The following SGCD variants were observed in gnomAD, a reference collection of about 807,000 sequenced individuals.
The protein encoded by SGCD is delta-sarcoglycan.
A neutral mutation model predicts 36.6 loss-of-function variants in SGCD; 18 were observed. The observed-to-expected ratio is 0.49, with a 90% confidence interval of 0.34 to 0.73. The LOEUF (loss-of-function observed/expected upper bound fraction) is 0.73. Ranked by LOEUF, SGCD falls within the 30% of genes least tolerant of loss-of-function variation. The pLI is 0.01. For synonymous variants in SGCD, 133 were observed against 130.6 expected (o/e 1.02, Z -0.12); for missense variants, 387 against 346.7 (o/e 1.12, Z -0.92).
intron 3 of SGCD, among the ~76,000 whole-genome samples, chr5:156,497,097 T>G (rs1756227569): frequency 6.6e-6 from 1 of 152,120 alleles, no homozygotes; most frequent in African/African-American, 2.4e-5. Flanking sequence ...ACACTTGCAG[T>G]CTGGTTCCAA....
At chr5:156,360,937 T>G (rs1380266414) in intron 3 of SGCD, among the ~76,000 whole-genome samples, 1 of 151,834 alleles carries the variant, frequency 6.6e-6, no homozygotes, top group Non-Finnish European at 1.5e-5. Context: ...ACCAGCCGTT[T>G]GCTCTCACTG....
At chr5:156,733,218 T>G (rs1756170637) in intron 7 of SGCD, among the ~76,000 whole-genome samples, 1 of 152,062 alleles carries the variant, frequency 6.6e-6, no homozygotes, top group Non-Finnish European at 1.5e-5. Context: ...CTCTTAACAC[T>G]TCCTTAGCTG....
the SGCD span, among the ~76,000 whole-genome samples, chr5:155,773,855 C>T: frequency 3.3e-5 from 5 of 152,000 alleles, no homozygotes; most frequent in South Asian, 2.1e-4. Context: ...ACAGGCCAGC[C>T]GAAGGTCATG....
intron 2 of SGCD, among the ~76,000 whole-genome samples, chr5:156,342,954 G>A (rs1768742200): frequency 6.6e-6 from 1 of 152,216 alleles, no homozygotes; most frequent in Non-Finnish European, 1.5e-5. Flanking sequence ...TGTTTGGAAT[G>A]AGACAGATGC....
the SGCD span, among the ~76,000 whole-genome samples, chr5:155,847,923 G>A: frequency 6.6e-6 from 1 of 152,194 alleles, no homozygotes; most frequent in Non-Finnish European, 1.5e-5. Context: ...CTTTTTAGTT[G>A]CTTGTTACTG....
At chr5:155,863,125 G>A in the SGCD span, among the ~76,000 whole-genome samples, 1 of 152,154 alleles carries the variant, frequency 6.6e-6, no homozygotes, top group Admixed American at 6.5e-5. Flanking sequence ...CAGGGCAGCT[G>A]AAGCCAGAAG....
intron 1 of SGCD, among the ~76,000 whole-genome samples, chr5:156,003,425 C>G (rs1209112260): frequency 6.6e-6 from 1 of 152,144 alleles, no homozygotes; most frequent in African/African-American, 2.4e-5. Context: ...CTTTAAAGGT[C>G]CTCAGCATCA....
chr5:156,688,254 C>G (rs1469095689), intron 7 of SGCD, among the ~76,000 whole-genome samples: 1 of 152,148 alleles, frequency 6.6e-6, no homozygotes, highest in Non-Finnish European at 1.5e-5. Flanking sequence ...GGCATAGTGG[C>G]TGACACCTAT....
intron 3 of SGCD, among the ~76,000 whole-genome samples, chr5:156,466,162 T>C (rs1420523785): frequency 3.3e-5 from 5 of 152,148 alleles, no homozygotes; most frequent in African/African-American, 9.7e-5. Flanking sequence ...AAACGCCAAG[T>C]CATATATTTT....
rs1389925447 is a variant in SGCD at position 156,344,524 on chromosome 5, C to A, written c.39C>A (p.Thr13=). 1 of 1,609,094 alleles carries A rather than the reference C, an allele frequency of 6.2e-7. No individual in the cohort carries two copies. The change falls in exon 3 of 9, where the codon ACC becomes ACA. Residue 13 remains threonine (T), a synonymous_variant. Transcript: ENST00000337851. ...AGCAGTACACTCACCACCGGAGCAC[C>A]ATGCCTGGCTCTGTGGGGCCACAGG... The part of the protein sequence containing the change: ...PQEQYTHHRS[T]MPGSVGPQVY...
chr5:156,728,757 A>G (rs1268422416), intron 7 of SGCD, among the ~76,000 whole-genome samples: 5 of 152,000 alleles, frequency 3.3e-5, no homozygotes, highest in Non-Finnish European at 7.4e-5. Flanking sequence ...TTTTTCCCTC[A>G]CTACCCCAGG....
At chr5:156,325,364 T>A (rs199890809), upstream of SGCD, among the ~76,000 whole-genome samples, 2 of 147,862 alleles carry the variant, frequency 1.4e-5, no homozygotes, top group African/African-American at 5.0e-5. Flanking sequence ...TTTGCTCCAT[T>A]AAAAAAAAAA....
intron 3 of SGCD, among the ~76,000 whole-genome samples, chr5:156,251,126 T>C (rs1195847113): frequency 6.6e-6 from 1 of 152,238 alleles, no homozygotes; most frequent in African/African-American, 2.4e-5. Flanking sequence ...AGGATCTGTC[T>C]CTTCATGTTT....
At chr5:156,682,554 G>A (rs761201322) in intron 7 of SGCD, among the ~76,000 whole-genome samples, 11 of 152,194 alleles carry the variant, frequency 7.2e-5, no homozygotes, top group Non-Finnish European at 8.8e-5. Flanking sequence ...CTGCCGAAAA[G>A]GCAGTATACT....
intron 1 of SGCD, among the ~76,000 whole-genome samples, chr5:155,895,414 GGA>G (rs1233329990): frequency 6.6e-6 from 1 of 152,116 alleles, no homozygotes; most frequent in African/African-American, 2.4e-5. Flanking sequence ...TTGAATAACT[GGA>G]GAGAGAGATA....
At chr5:156,618,207 C>T (rs956368054) in intron 6 of SGCD, among the ~76,000 whole-genome samples, 2 of 152,100 alleles carry the variant, frequency 1.3e-5, no homozygotes, top group Non-Finnish European at 2.9e-5. Flanking sequence ...TGAGAGCCTA[C>T]GAATCTAATA....
chr5:156,376,452 T>C (rs929257983), intron 3 of SGCD, among the ~76,000 whole-genome samples: 2 of 152,242 alleles, frequency 1.3e-5, no homozygotes, highest in Non-Finnish European at 2.9e-5. Context: ...CATAAATTTT[T>C]GATGAACTAA....
chr5:155,732,159 G>T, the SGCD span, among the ~76,000 whole-genome samples: 1 of 152,186 alleles, frequency 6.6e-6, no homozygotes, highest in African/African-American at 2.4e-5. Flanking sequence ...TCAGGGCATT[G>T]CCTTCAGCAT....
chr5:155,981,890 C>G (rs1303181919), intron 1 of SGCD, among the ~76,000 whole-genome samples: 1 of 152,102 alleles, frequency 6.6e-6, no homozygotes, highest in African/African-American at 2.4e-5. Flanking sequence ...AGATCAAGAC[C>G]TTTTAGGGTG....
Sources: allele counts gnomAD v4.1 joint callset (sites outside exome capture counted in the v4.1 genomes callset), GRCh38; gene constraint gnomAD v4.1.1; transcripts MANE v1.5; gene names NCBI Gene and HGNC (gene_info 2026-07-23, HGNC 2026-07-21).